The following NCAM1 variants were observed in gnomAD, a reference collection of about 807,000 sequenced individuals.
The protein encoded by NCAM1 is antigen recognized by monoclonal antibody 5.1H11.
A neutral mutation model predicts 109.8 loss-of-function variants in NCAM1; 14 were observed. That is an observed-to-expected ratio of 0.13 (90% CI 0.08 to 0.20). NCAM1 has a LOEUF of 0.20. NCAM1 is among the 10% of genes least tolerant of loss of function. The pLI, the probability that NCAM1 is intolerant of heterozygous loss-of-function variation, is 1.00. For missense variants in NCAM1, 774 were observed against 1,109.9 expected (o/e 0.70, Z 4.30); for synonymous variants, 418 against 442.9 (o/e 0.94, Z 0.70).
chr11:113,094,728 C>T (rs781588991), intron 1 of NCAM1, among the ~76,000 whole-genome samples: 9 of 152,226 alleles, frequency 5.9e-5, no homozygotes, highest in African/African-American at 1.9e-4. Flanking sequence ...AATGAGCCAG[C>T]GGCAGATAGG....
chr11:113,259,700 C>CTTT lies in NCAM1; in HGVS notation c.1954-428_1954-426dup, dbSNP rs61638375. Reference sequence around the variant, plus strand: ...GAATAAAGACCATGTCCCATCATTGCTTTTTTTTTTTTTTTTTTTTGGAGA... The same window carrying CTTT: ...GAATAAAGACCATGTCCCATCATTGCTTTTTTTTTTTTTTTTTTTTTTTGGAGA... On this transcript the variant is annotated intron_variant, in intron 16 of 19. Transcript: ENST00000316851. Among the ~76,000 whole-genome samples, 55 of 113,480 alleles carry CTTT rather than the reference C, an allele frequency of 4.8e-4. 1 individual carries two copies. The highest frequency in any genetic ancestry group is 1.3e-3 in the African/African-American group (37 of 28,040). The allele number at this position is 113,480 out of a possible 152,430, so 74.4% of individuals were successfully genotyped here. A position where few individuals can be genotyped will look rare whatever the true frequency, so the allele number is the denominator to read the frequency against.
rs1950600475 is a variant in NCAM1, at chr11:112,962,610, C to T, written c.52+946C>T. On this transcript the variant is annotated intron_variant, in intron 1 of 19. Transcript: ENST00000316851. This position sits in a 1 kb window ranked among gnomAD's most constrained non-coding sequence, Gnocchi z 5.6. Reference sequence around the variant, plus strand: ...GAACAATAGGGAGCTGGGAGGAAGACAGTAGTGATGCTGCCGCGGGTGGCG... The same window carrying T: ...GAACAATAGGGAGCTGGGAGGAAGATAGTAGTGATGCTGCCGCGGGTGGCG... 6.6e-6 allele frequency among the ~76,000 whole-genome samples: 1 copy of T among 152,126 alleles called. No individual in the cohort carries two copies. Among genetic ancestry groups the T allele is most frequent in the Non-Finnish European group, 1.5e-5 (1 of 68,020 alleles).
chr11:112,979,761 A>G (rs554902880), intron 1 of NCAM1, among the ~76,000 whole-genome samples: 5 of 151,990 alleles, frequency 3.3e-5, no homozygotes, highest in Non-Finnish European at 5.9e-5. Context: ...GTCTAAAACA[A>G]TGGGCTCCCA....
rs112852852 is a variant in NCAM1 at position 113,157,829 on chromosome 11, C to T, written c.53-44550C>T. 2.6e-3 allele frequency among the ~76,000 whole-genome samples: 393 copies of T among 152,060 alleles called. 1 individual carries two copies. The highest frequency in any genetic ancestry group is 8.7e-3 in the African/African-American group (362 of 41,504). ...AATATCTGCCTTAATAAAAGACAAC[C>T]GATTCTCCTATCTACTTCTGCATTC... is the stretch of plus-strand genomic sequence containing the variant. On this transcript the variant is annotated intron_variant, in intron 1 of 19. Coordinates refer to ENST00000316851, the MANE Select transcript of NCAM1 (RefSeq NM_181351.5).
intron 1 of NCAM1, among the ~76,000 whole-genome samples, chr11:113,094,233 G>A (rs1370209648): frequency 2.6e-5 from 4 of 151,938 alleles, no homozygotes; most frequent in African/African-American, 7.2e-5. Flanking sequence ...CAGAATCCAA[G>A]AAAAAAAGGT....
intron 1 of NCAM1, among the ~76,000 whole-genome samples, chr11:113,082,464 A>G (rs1555087423): frequency 6.6e-6 from 1 of 152,216 alleles, no homozygotes; most frequent in Non-Finnish European, 1.5e-5. Context: ...ATCACCATAG[A>G]TACCAAAATC....
At chr11:113,263,829 G>T (rs1946073190) in intron 17 of NCAM1, 6 of 985,490 alleles carry the variant, frequency 6.1e-6, no homozygotes, top group Non-Finnish European at 7.2e-6. Flanking sequence ...CCTGGCCTGT[G>T]TGTGCTCAGT....
intron 1 of NCAM1, among the ~76,000 whole-genome samples, chr11:113,067,003 C>A (rs1472379630): frequency 2.4e-3 from 246 of 103,558 alleles, no homozygotes; most frequent in Middle Eastern, 5.4e-3. Context: ...GAACCCCTCT[C>A]AAAAAAAAAA....
At chr11:113,255,142 C>T (rs1945800692) in intron 15 of NCAM1, among the ~76,000 whole-genome samples, 1 of 152,118 alleles carries the variant, frequency 6.6e-6, no homozygotes, top group South Asian at 2.1e-4. Context: ...AAAGACTGCA[C>T]TGATTGTTAC....
chr11:113,032,544 C>T (rs1481214601), intron 1 of NCAM1, among the ~76,000 whole-genome samples: 4 of 152,238 alleles, frequency 2.6e-5, no homozygotes, highest in African/African-American at 4.8e-5. Flanking sequence ...ATTGCCCCCA[C>T]TTACCTGCAA....
At chr11:113,050,555 A>G (rs781785250) in intron 1 of NCAM1, among the ~76,000 whole-genome samples, 1 of 152,158 alleles carries the variant, frequency 6.6e-6, no homozygotes, top group Non-Finnish European at 1.5e-5. Flanking sequence ...TTTTTATACC[A>G]GTACCATGCT....
Position 113,236,948 on chromosome 11 carries a change from A to G in NCAM1, c.1825+1784A>G, listed in dbSNP as rs568820853. Among the ~76,000 whole-genome samples the G allele has an allele frequency of 1.2e-4, 18 of 152,348 alleles. No individual in the cohort carries two copies. In the South Asian group the frequency reaches 3.5e-3, roughly 30 times the overall value. On this transcript the variant is annotated intron_variant, in intron 14 of 19. Coordinates refer to ENST00000316851, the MANE Select transcript of NCAM1 (RefSeq NM_181351.5). ...GGCATGTCCCACAGGTAGCTGTTGC[A>G]GAGTTAAATCTCTAGTTCCGGTCAG...
At chr11:113,016,938 C>T (rs1952222030) in intron 1 of NCAM1, among the ~76,000 whole-genome samples, 1 of 152,226 alleles carries the variant, frequency 6.6e-6, no homozygotes, top group Non-Finnish European at 1.5e-5. Flanking sequence ...TACTTCTTCA[C>T]TGATGAGTGT....
chr11:113,173,366 A>G (rs1241388735), intron 1 of NCAM1, among the ~76,000 whole-genome samples: 1 of 151,952 alleles, frequency 6.6e-6, no homozygotes, highest in East Asian at 1.9e-4. Flanking sequence ...AATTTGAATT[A>G]CTTCCCTGGA....
chr11:113,026,222 G>A (rs1374417510), intron 1 of NCAM1, among the ~76,000 whole-genome samples: 3 of 152,150 alleles, frequency 2.0e-5, no homozygotes, highest in African/African-American at 7.2e-5. Flanking sequence ...TAAACCAGAT[G>A]GGCAATCATT....
At chr11:113,210,821 C>CAT (rs1555113554) in intron 7 of NCAM1, among the ~76,000 whole-genome samples, 6 of 144,346 alleles carry the variant, frequency 4.2e-5, no homozygotes, top group African/African-American at 1.6e-4. Context: ...CACACACACA[C>CAT]ATATTTCACA....
Position 113,100,737 on chromosome 11 carries a change from G to T in NCAM1, c.53-101642G>T, listed in dbSNP as rs151191712. 7.2e-5 allele frequency among the ~76,000 whole-genome samples: 11 copies of T among 152,220 alleles called. No homozygotes were observed. In the East Asian group the frequency reaches 2.1e-3, roughly 29 times the overall value. On this transcript the variant is annotated intron_variant, in intron 1 of 19. Transcript: ENST00000316851. ...TTATGGGTAGAAGATGTGGGGGGGTGGGTGGCACGTGGCAGGCCAGGGTGG... is the reference window on the plus strand; with the variant it reads ...TTATGGGTAGAAGATGTGGGGGGGTTGGTGGCACGTGGCAGGCCAGGGTGG...
chr11:113,233,337 G>C lies in NCAM1; in HGVS notation c.1693+20G>C. The C allele has an allele frequency of 1.2e-6, 2 of 1,605,758 alleles. No homozygotes were observed. ...AGGAAGGTGAGTTGGGCGAGTTGGT[G>C]TTTCCATTGGGATCATGAGTGCCTC... On this transcript the variant is annotated intron_variant, in intron 13 of 19. Coordinates refer to ENST00000316851, the MANE Select transcript of NCAM1 (RefSeq NM_181351.5). This position sits in a 1 kb window ranked among gnomAD's most constrained non-coding sequence, Gnocchi z 4.5.
At chr11:113,138,804 A>G (rs1039319708) in intron 1 of NCAM1, among the ~76,000 whole-genome samples, 2 of 152,232 alleles carry the variant, frequency 1.3e-5, no homozygotes, top group East Asian at 1.9e-4. Flanking sequence ...GTGGAATTTA[A>G]TCATCCAGCC....
Sources: gnomAD v4.1 joint callset for allele counts (sites outside exome capture counted in the v4.1 genomes callset) on GRCh38, gnomAD v4.1.1 for gene constraint, Gnocchi (gnomAD v3.1) non-coding constraint, MANE v1.5 for transcripts, NCBI Gene and HGNC (gene_info 2026-07-23, HGNC 2026-07-21) for gene names.